AAMDC: variants seen among roughly 807,000 people sequenced by gnomAD.
The protein encoded by AAMDC is adipogenesis associated Mth938 domain containing.
A neutral mutation model predicts 15.5 loss-of-function variants in AAMDC; 16 were observed. The ratio of observed to expected loss-of-function variants is 1.03; its 90% CI spans 0.70 to 1.57. The LOEUF (loss-of-function observed/expected upper bound fraction) is 1.57. Among genes scored for constraint, AAMDC ranks in the 40% most tolerant of loss-of-function variants. The probability of loss-of-function intolerance (pLI) is 0.00; values close to 1 mark genes in which losing one functional copy is unlikely to be tolerated. For synonymous variants in AAMDC, 51 were observed against 51.6 expected (o/e 0.99, Z 0.05); for missense variants, 141 against 144.9 (o/e 0.97, Z 0.14).
At chr11:77,838,661 G>C (rs536182463) in intron 1 of AAMDC, among the ~76,000 whole-genome samples, 125 of 140,426 alleles carry the variant, frequency 8.9e-4, no homozygotes, top group African/African-American at 3.1e-3. Flanking sequence ...CTTTTGCCCA[G>C]GCCAGACTGC....
chr11:77,893,349 T>C (rs1952359270), intron 5 of AAMDC, among the ~76,000 whole-genome samples: 1 of 152,204 alleles, frequency 6.6e-6, no homozygotes, highest in South Asian at 2.1e-4. Flanking sequence ...TTCACACCTG[T>C]AATCCCAATA....
intron 5 of AAMDC, among the ~76,000 whole-genome samples, chr11:77,890,155 A>G (rs1952202096): frequency 6.6e-6 from 1 of 152,244 alleles, no homozygotes; most frequent in Non-Finnish European, 1.5e-5. Flanking sequence ...GAAAAAAACA[A>G]ACAAACAAAC....
chr11:77,858,130 C>T (rs1014450955), intron 2 of AAMDC, among the ~76,000 whole-genome samples: 5 of 151,638 alleles, frequency 3.3e-5, no homozygotes, highest in Non-Finnish European at 7.4e-5. Context: ...GCAATCCTGT[C>T]GCGTCAGCCT....
At chr11:77,864,529 T>C (rs980107576) in intron 2 of AAMDC, among the ~76,000 whole-genome samples, 3 of 152,190 alleles carry the variant, frequency 2.0e-5, no homozygotes, top group African/African-American at 7.2e-5. Flanking sequence ...GTGTATATTA[T>C]GTGAAAAAAT....
At chr11:77,904,501 A>G (rs1167891657), downstream of AAMDC, among the ~76,000 whole-genome samples, 2 of 152,192 alleles carry the variant, frequency 1.3e-5, no homozygotes, top group African/African-American at 2.4e-5. Flanking sequence ...TCTTCATACT[A>G]AGTCTGAGAA....
At chr11:77,885,918 T>C (rs962458929) in intron 5 of AAMDC, among the ~76,000 whole-genome samples, 4 of 152,136 alleles carry the variant, frequency 2.6e-5, no homozygotes, top group African/African-American at 9.7e-5. Context: ...ATTTCTGTGT[T>C]CAGCAGGTGC....
intron 5 of AAMDC, among the ~76,000 whole-genome samples, chr11:77,880,268 C>T (rs968017256): frequency 1.3e-5 from 2 of 152,140 alleles, no homozygotes; most frequent in Admixed American, 6.5e-5. Flanking sequence ...AGTGCCTCCC[C>T]AGACCTCTTC....
At chr11:77,859,811 G>A (rs1950799479) in intron 2 of AAMDC, among the ~76,000 whole-genome samples, 1 of 152,298 alleles carries the variant, frequency 6.6e-6, no homozygotes, top group Middle Eastern at 3.4e-3. Flanking sequence ...AAATGTGGCT[G>A]GGTTAAGAGT....
chr11:77,832,591 A>G (rs572894534), intron 1 of AAMDC, among the ~76,000 whole-genome samples: 2 of 151,728 alleles, frequency 1.3e-5, no homozygotes, highest in East Asian at 3.9e-4. Context: ...CTCCCAAAGT[A>G]CTGGGATTAC....
chr11:77,877,970 T>C lies in AAMDC; in HGVS notation c.328+921T>C, dbSNP rs555297035. The stretch of plus-strand genomic sequence containing the variant: ...TACTTTATTTCTTGCACTGGACCCC[T>C]GTTTCCCATAATCTTGATTTCTTTT... On this transcript the variant is annotated intron_variant, in intron 5 of 5. Transcript: ENST00000304716. 5.9e-5 allele frequency among the ~76,000 whole-genome samples: 9 copies of C among 152,296 alleles called. No individual in the cohort carries two copies. The East Asian group carries it at 1.2e-3, about 20-fold the overall frequency.
chr11:77,863,614 C>A (rs1950979647), intron 2 of AAMDC, among the ~76,000 whole-genome samples: 1 of 152,180 alleles, frequency 6.6e-6, no homozygotes, highest in Non-Finnish European at 1.5e-5. Flanking sequence ...GTCTTGAACT[C>A]CTGGCCTCAA....
At chr11:77,839,336 G>T (rs1401599718) in intron 1 of AAMDC, among the ~76,000 whole-genome samples, 1 of 151,988 alleles carries the variant, frequency 6.6e-6, no homozygotes, top group Non-Finnish European at 1.5e-5. Flanking sequence ...GTAGAAACCA[G>T]GTCTCCCAAT....
At chr11:77,905,630 ACATCTG>A (rs538513571), downstream of AAMDC, among the ~76,000 whole-genome samples, 539 of 152,336 alleles carry the variant, frequency 3.5e-3, 2 homozygotes, top group Middle Eastern at 6.8e-3. Flanking sequence ...TCCTTTTCGT[ACATCTG>A]CATTTGTGAA....
chr11:77,885,861 G>A (rs1951984059), intron 5 of AAMDC, among the ~76,000 whole-genome samples: 1 of 151,676 alleles, frequency 6.6e-6, no homozygotes, highest in African/African-American at 2.4e-5. Flanking sequence ...GCAGAGGGGG[G>A]CTGAAACAGC....
intron 2 of AAMDC, among the ~76,000 whole-genome samples, chr11:77,844,891 T>C (rs1950078119): frequency 6.6e-6 from 1 of 152,224 alleles, no homozygotes; most frequent in Non-Finnish European, 1.5e-5. Context: ...TAGATTTCTT[T>C]GATCAATCGT....
intron 5 of AAMDC, among the ~76,000 whole-genome samples, chr11:77,895,014 C>T (rs771594446): frequency 1.3e-5 from 2 of 152,134 alleles, no homozygotes; most frequent in Non-Finnish European, 2.9e-5. Flanking sequence ...AATTCCTGTG[C>T]AAGAGGGGAA....
chr11:77,884,143 T>G (rs1282290720), intron 5 of AAMDC, among the ~76,000 whole-genome samples: 1 of 152,160 alleles, frequency 6.6e-6, no homozygotes, highest in African/African-American at 2.4e-5. Context: ...CAGTGTTCAG[T>G]AAACATTTCC....
rs1952216609 is a variant in AAMDC, at chr11:77,890,536, T to A, written c.329-10035T>A. Among the ~76,000 whole-genome samples, 3 of 152,064 alleles carry A rather than the reference T, an allele frequency of 2.0e-5. No homozygotes were observed. The South Asian group carries it at 6.2e-4, about 32-fold the overall frequency. On this transcript the variant is annotated intron_variant, in intron 5 of 5. Coordinates refer to the AAMDC transcript ENST00000304716. Reference sequence around the variant, plus strand: ...TAGCCCTGCATGTGGTAGAGGTGCTTTGAAAGGGTTTTTTAGGAGACAGTC... The same window carrying A: ...TAGCCCTGCATGTGGTAGAGGTGCTATGAAAGGGTTTTTTAGGAGACAGTC...
At chr11:77,884,908 C>A (rs972573047) in intron 5 of AAMDC, 1 of 236,588 alleles carries the variant, frequency 4.2e-6, no homozygotes, top group Non-Finnish European at 9.1e-6. Flanking sequence ...GCACGTGCCA[C>A]CACGCCAGGT....
Sources: gnomAD v4.1 joint callset for allele counts (sites outside exome capture counted in the v4.1 genomes callset) on GRCh38, gnomAD v4.1.1 for gene constraint, MANE v1.5 for transcripts, NCBI Gene and HGNC (gene_info 2026-07-23, HGNC 2026-07-21) for gene names.